The following SORL1 variants were observed in gnomAD, a reference collection of about 807,000 sequenced individuals.
The protein encoded by SORL1 is sortilin-related receptor.
Under a neutral mutation model 273.7 loss-of-function variants are expected in SORL1, and 127 were observed. The ratio of observed to expected loss-of-function variants is 0.46; its 90% CI spans 0.40 to 0.54. The LOEUF (loss-of-function observed/expected upper bound fraction) is 0.54. SORL1 is among the 20% of genes least tolerant of loss of function. The pLI is 0.00. For missense variants in SORL1, 2,494 were observed against 2,846.1 expected, an observed-to-expected ratio of 0.88 and a Z score of 2.81; for synonymous variants, 1,031 against 1,067.4, an observed-to-expected ratio of 0.97 and a Z score of 0.66.
In SORL1 at chr11:121,604,252, T is replaced by C. The variant is rs780463932; in HGVS notation, c.4579T>C (p.Cys1527Arg). 6.2e-7 allele frequency: 1 copy of C among 1,614,110 alleles called. No homozygotes were observed. Residue 1527 changes from cysteine (C) to arginine (R), a missense_variant, in exon 33 of 48, where the codon TGC becomes CGC. Around this residue, in one of 3 missense-constraint regions of SORL1, gnomAD observed 1,609 missense variants for 1,816.4 expected, o/e 0.89. Coordinates refer to ENST00000260197, the MANE Select transcript of SORL1 (RefSeq NM_003105.6). ...REFQCEDGEACIVLSERCDGF... is the reference protein window; with the variant it reads ...REFQCEDGEARIVLSERCDGF... ...GTTCCAGTGCGAGGACGGGGAGGCC[T>C]GCATTGTGCTCTCGGAGCGCTGCGA...
intron 6 of SORL1, among the ~76,000 whole-genome samples, chr11:121,499,790 C>T (rs1258434010): frequency 6.6e-6 from 1 of 152,184 alleles, no homozygotes; most frequent in East Asian, 1.9e-4. Flanking sequence ...TGGGAAATTC[C>T]AGCTGGCTTT....
chr11:121,513,164 G>A, intron 7 of SORL1, 60 bp downstream of exon 7: 1 of 1,306,954 alleles, frequency 7.7e-7, no homozygotes, highest in Non-Finnish European at 1.1e-6. Context: ...AGAGGTCAGA[G>A]GAAGGTTGTT....
chr11:121,542,883 GA>G (rs1431401028), intron 12 of SORL1, among the ~76,000 whole-genome samples: 1 of 150,276 alleles, frequency 6.7e-6, no homozygotes, highest in Non-Finnish European at 1.5e-5. Context: ...TCTAATATAA[GA>G]AAAAAATTGG....
intron 6 of SORL1, among the ~76,000 whole-genome samples, chr11:121,497,281 C>T (rs1861647064): frequency 6.6e-6 from 1 of 152,180 alleles, no homozygotes; most frequent in Non-Finnish European, 1.5e-5. Context: ...CAAAGTGGCT[C>T]TAGGCTCTAG....
At chr11:121,535,468 C>T (rs1277158373) in intron 12 of SORL1, among the ~76,000 whole-genome samples, 3 of 152,178 alleles carry the variant, frequency 2.0e-5, no homozygotes, top group African/African-American at 7.2e-5. Context: ...TGATCGGGAG[C>T]TGCCTGTGCC....
At chr11:121,535,172 A>G (rs1418565306) in intron 12 of SORL1, among the ~76,000 whole-genome samples, 1 of 151,974 alleles carries the variant, frequency 6.6e-6, no homozygotes, top group East Asian at 1.9e-4. Flanking sequence ...GACCACTGCC[A>G]CTGTGCTCCA....
At position 121,514,805 on chromosome 11, in the gene SORL1, A is replaced by G. The variant is rs141310066; in HGVS notation, c.1211+484A>G. ...CCAACGTCATTGATCCTTTGTCTGT[A>G]AATCATGTGTTTAGAGCTGTTTTGT... is the stretch of plus-strand genomic sequence containing the variant. On this transcript the variant is annotated intron_variant, in intron 8 of 47. Transcript: ENST00000260197. Among the ~76,000 whole-genome samples, 283 of 152,262 alleles carry G rather than the reference A, an allele frequency of 1.9e-3. 1 individual carries two copies. The highest frequency in any genetic ancestry group is 6.3e-3 in the African/African-American group (263 of 41,532).
intron 6 of SORL1, among the ~76,000 whole-genome samples, chr11:121,503,119 C>T (rs1051091314): frequency 6.6e-6 from 1 of 152,148 alleles, no homozygotes; most frequent in African/African-American, 2.4e-5. Flanking sequence ...GTCCTCCCAC[C>T]TTGGCCTCCC....
intron 6 of SORL1, among the ~76,000 whole-genome samples, chr11:121,500,944 G>T: frequency 6.6e-6 from 1 of 152,260 alleles, no homozygotes; most frequent in South Asian, 2.1e-4. Context: ...AAGCTAATTT[G>T]CTCTCTAATG....
intron 18 of SORL1, among the ~76,000 whole-genome samples, chr11:121,555,614 C>T (rs949039720): frequency 1.3e-5 from 2 of 151,810 alleles, no homozygotes; most frequent in East Asian, 3.9e-4. Flanking sequence ...TTTTATTTTA[C>T]TACTTTTATT....
chr11:121,497,192 G>A, intron 6 of SORL1, 143 bp downstream of exon 6: 1 of 720,904 alleles, frequency 1.4e-6, no homozygotes, highest in Non-Finnish European at 2.3e-6. Flanking sequence ...TCTCAACATT[G>A]ACAACATTGA....
In SORL1 at chr11:121,550,723, A is replaced by G. The variant is rs73595242; in HGVS notation, c.2266+53A>G. On this transcript the variant is annotated intron_variant, in intron 16 of 47. Transcript: ENST00000260197. This position sits in a 1 kb window ranked among gnomAD's most constrained non-coding sequence, Gnocchi z 5.3. ...TTTCTTGAGACATGGTTGAAGCAGT[A>G]TCACGATCTCACCCAAGTCCGGGCT... 2,172 of 1,431,142 alleles carry G rather than the reference A, an allele frequency of 1.5e-3. 31 individuals carry two copies. In the African/African-American group the frequency reaches 0.028, roughly 18 times the overall value. 88.7% of individuals were successfully genotyped at this position (1,431,142 alleles called of 1,614,324 possible). A position where few individuals can be genotyped will look rare whatever the true frequency, so the allele number is the denominator to read the frequency against.
rs67390938 is a variant in SORL1 at position 121,547,417 on chromosome 11, C to CAAAAAAAAAAAAAAAAAAAAAAAAAAAA, written c.2051+1989_2051+2016dup. On this transcript the variant is annotated intron_variant, in intron 14 of 47. Coordinates refer to ENST00000260197, the MANE Select transcript of SORL1 (RefSeq NM_003105.6). ...TGCCCTACATTTCCCCAACCCTCACCAAAAAAAAAAAAAAAAAAAAAAAAA... is the reference window on the plus strand; with the variant it reads ...TGCCCTACATTTCCCCAACCCTCACCAAAAAAAAAAAAAAAAAAAAAAAAAAAAAAAAAAAAAAAAAAAAAAAAAAAAA... Among the ~76,000 whole-genome samples, 6 of 24,034 alleles carry CAAAAAAAAAAAAAAAAAAAAAAAAAAAA rather than the reference C, an allele frequency of 2.5e-4. 1 individual carries two copies. The highest frequency in any genetic ancestry group is 1.2e-3 in the East Asian group (1 of 810). 15.8% of individuals were successfully genotyped at this position (24,034 alleles called of 152,430 possible). A position where few individuals can be genotyped will look rare whatever the true frequency, so the allele number is the denominator to read the frequency against.
At chr11:121,585,317 CTACAAAAA>C (rs1463364753) in intron 26 of SORL1, among the ~76,000 whole-genome samples, 2 of 152,070 alleles carry the variant, frequency 1.3e-5, no homozygotes, top group Non-Finnish European at 2.9e-5. Context: ...GACCCCATCT[CTACAAAAA>C]TACAAAAATT....
chr11:121,469,887 A>G (rs11218300), intron 1 of SORL1, 120 bp from the exon 2 acceptor site: 2 of 778,844 alleles, frequency 2.6e-6, no homozygotes, highest in East Asian at 4.9e-5. Flanking sequence ...CTTGGCCCAA[A>G]TGCTTTAGAT....
chr11:121,540,097 T>A (rs1394717459), intron 12 of SORL1, among the ~76,000 whole-genome samples: 1 of 152,216 alleles, frequency 6.6e-6, no homozygotes, highest in Non-Finnish European at 1.5e-5. Flanking sequence ...AATTTGTTGC[T>A]CTTGGTTATA....
At position 121,559,471 on chromosome 11, in the gene SORL1, A is replaced by G. The variant is rs114131919; in HGVS notation, c.2911-48A>G. Reference sequence around the variant, plus strand: ...AACTCTTACCCTTAGAGAGAACCAGAATAAAGAACGAAAGAGCTGGACTAA... The same window carrying G: ...AACTCTTACCCTTAGAGAGAACCAGGATAAAGAACGAAAGAGCTGGACTAA... On this transcript the variant is annotated intron_variant, in intron 20 of 47. Transcript: ENST00000260197. 5.3e-4 allele frequency: 848 copies of G among 1,587,404 alleles called. 5 individuals carry two copies. In the African/African-American group the frequency reaches 0.01, roughly 20 times the overall value.
Position 121,544,493 on chromosome 11 carries a change from G to T in SORL1, c.1865-750G>T, listed in dbSNP as rs139742842. On this transcript the variant is annotated intron_variant, in intron 13 of 47. Coordinates refer to ENST00000260197, the MANE Select transcript of SORL1 (RefSeq NM_003105.6). ...GCCCTTAAAGATAAGAACTTGCCCT[G>T]TGCATATTTGTATTGTACCTACTGG... 4.8e-3 allele frequency among the ~76,000 whole-genome samples: 736 copies of T among 152,286 alleles called. 2 individuals carry two copies. Among genetic ancestry groups the T allele is most frequent in the Non-Finnish European group, 7.7e-3 (527 of 68,022 alleles).
At chr11:121,551,141 C>G (rs555740978) in intron 16 of SORL1, among the ~76,000 whole-genome samples, 9 of 152,152 alleles carry the variant, frequency 5.9e-5, no homozygotes, top group African/African-American at 2.2e-4. Context: ...CCAGTTTAAC[C>G]CTTTTAACAA....
Sources: gnomAD v4.1 joint callset for allele counts (sites outside exome capture counted in the v4.1 genomes callset) on GRCh38, gnomAD v4.1.1 for gene constraint, gnomAD v4.1.1 regional missense constraint, Gnocchi (gnomAD v3.1) non-coding constraint, MANE v1.5 for transcripts, NCBI Gene and HGNC (gene_info 2026-07-23, HGNC 2026-07-21) for gene names.